DOCK4: variants seen among roughly 807,000 people sequenced by gnomAD.
The protein encoded by DOCK4 is dedicator of cytokinesis protein 4.
Under a neutral mutation model 268.1 loss-of-function variants are expected in DOCK4, and 97 were observed. That is an observed-to-expected ratio of 0.36 (90% confidence interval 0.31 to 0.43). The LOEUF is 0.43. DOCK4 is among the 20% of genes least tolerant of loss of function. DOCK4 has a pLI of 1.00. For missense variants in DOCK4, 2,145 were observed against 2,455.7 expected, an observed-to-expected ratio of 0.87 and a Z score of 2.67; for synonymous variants, 954 against 887.2, an observed-to-expected ratio of 1.08 and a Z score of -1.34.
chr7:111,926,057 T>G (rs1231723735), intron 12 of DOCK4, among the ~76,000 whole-genome samples: 3 of 136,178 alleles, frequency 2.2e-5, no homozygotes, highest in Non-Finnish European at 3.1e-5. Context: ...ATCGTGCCAC[T>G]GCACTCCAGC....
chr7:111,876,637 A>G (rs1424146762), intron 17 of DOCK4, among the ~76,000 whole-genome samples: 1 of 152,146 alleles, frequency 6.6e-6, no homozygotes. Flanking sequence ...TAATGCTAGA[A>G]CTGAAAAGCA....
intron 39 of DOCK4, among the ~76,000 whole-genome samples, chr7:111,764,371 T>C (rs1797642819): frequency 6.6e-6 from 1 of 152,230 alleles, no homozygotes; most frequent in South Asian, 2.1e-4. Flanking sequence ...AATATTTCTG[T>C]ATTGAGAACT....
chr7:111,772,184 C>G (rs1174329564), intron 36 of DOCK4, among the ~76,000 whole-genome samples: 1 of 152,116 alleles, frequency 6.6e-6, no homozygotes, highest in Non-Finnish European at 1.5e-5. Context: ...CTCAGGTACT[C>G]AGGAGGCTGA....
chr7:111,775,522 A>G (rs1359618079), intron 36 of DOCK4, among the ~76,000 whole-genome samples: 1 of 152,226 alleles, frequency 6.6e-6, no homozygotes, highest in Non-Finnish European at 1.5e-5. Context: ...ACGAATACTC[A>G]AAGAATGACC....
At chr7:112,155,894 T>C (rs2214432) in intron 1 of DOCK4, among the ~76,000 whole-genome samples, 104,794 of 152,116 alleles carry the variant, frequency 0.69, 36,393 homozygotes, top group East Asian at 0.85. Flanking sequence ...CTGAACAGTA[T>C]ATAGTGCAAT....
At chr7:111,730,377 G>A (rs920079287) in intron 52 of DOCK4, among the ~76,000 whole-genome samples, 4 of 152,096 alleles carry the variant, frequency 2.6e-5, no homozygotes, top group African/African-American at 9.7e-5. Flanking sequence ...ATAATGTCCT[G>A]GAAAACTAGT....
intron 28 of DOCK4, among the ~76,000 whole-genome samples, chr7:111,810,204 A>T (rs1346657100): frequency 6.6e-6 from 1 of 152,226 alleles, no homozygotes; most frequent in African/African-American, 2.4e-5. Flanking sequence ...CTGTAATCCC[A>T]GCACTTTGGG....
chr7:111,800,739 G>T (rs139702704), intron 30 of DOCK4, among the ~76,000 whole-genome samples: 97 of 152,072 alleles, frequency 6.4e-4, no homozygotes, highest in African/African-American at 2.1e-3. Flanking sequence ...ACACAGACAC[G>T]CTATTCTTCC....
intron 1 of DOCK4, among the ~76,000 whole-genome samples, chr7:112,014,784 G>T (rs776555792): frequency 6.6e-6 from 1 of 152,110 alleles, no homozygotes. Context: ...GTGTGCCTGT[G>T]GTCCTGGCTA....
At chr7:111,748,432 G>A (rs1230757562) in intron 42 of DOCK4, among the ~76,000 whole-genome samples, 6 of 151,992 alleles carry the variant, frequency 3.9e-5, no homozygotes, top group Non-Finnish European at 7.4e-5. Flanking sequence ...AAAGGCAAAC[G>A]ACCCAATAAA....
rs776052600 is a variant in DOCK4, at chr7:111,728,534, G to C, written c.5668C>G (p.Pro1890Ala). ...EQSAPLPVPVPVPVPSYGGEE... is the reference protein window; with the variant it reads ...EQSAPLPVPVAVPVPSYGGEE... The stretch of plus-strand genomic sequence containing the variant: ...CCGCCGTAGCTCGGCACGGGCACCG[G>C]CACTGGCACCGGCAGGGGGGCCGAC... The change falls in exon 53 of 53, where the codon CCG becomes GCG. Residue 1890 changes from proline (P) to alanine (A), a missense_variant. By Grantham distance (27) the Pro-to-Ala change is conservative. Transcript: ENST00000428084. 6.2e-7 allele frequency: 1 copy of C among 1,613,726 alleles called. No homozygotes were observed. The highest frequency in any genetic ancestry group is 8.5e-7 in the Non-Finnish European group (1 of 1,179,826).
chr7:112,184,763 A>G (rs947280744), intron 1 of DOCK4, among the ~76,000 whole-genome samples: 1 of 150,010 alleles, frequency 6.7e-6, no homozygotes, highest in African/African-American at 2.5e-5. Context: ...TTTTCTAGCA[A>G]TAACACCTGT....
intron 8 of DOCK4, 98 bp from the exon 9 acceptor site, chr7:111,945,896 T>C (rs1795582336): frequency 1.2e-6 from 1 of 865,426 alleles, no homozygotes; most frequent in Non-Finnish European, 1.8e-6. Context: ...AAGCTAAATA[T>C]TAGGTTGTTC....
chr7:111,784,235 A>C, intron 32 of DOCK4, 112 bp from the exon 33 acceptor site: 8 of 1,246,552 alleles, frequency 6.4e-6, no homozygotes, highest in Non-Finnish European at 6.8e-6. Flanking sequence ...CTCACAGCTC[A>C]AAGACATTTT....
At chr7:112,022,986 G>A (rs549649290) in intron 1 of DOCK4, among the ~76,000 whole-genome samples, 64 of 152,040 alleles carry the variant, frequency 4.2e-4, no homozygotes, top group South Asian at 2.3e-3. Flanking sequence ...GCGTGGTCTC[G>A]GCTCACTGCA....
chr7:112,171,917 T>C (rs1003082114), intron 1 of DOCK4, among the ~76,000 whole-genome samples: 14 of 152,206 alleles, frequency 9.2e-5, no homozygotes, highest in African/African-American at 3.4e-4. Context: ...GGCTTGCAGA[T>C]GGCTGTCCTC....
chr7:112,041,257 A>G (rs941047588), intron 1 of DOCK4, among the ~76,000 whole-genome samples: 1 of 152,216 alleles, frequency 6.6e-6, no homozygotes, highest in Admixed American at 6.5e-5. Flanking sequence ...GTCAGAGTAG[A>G]TAAGAATATG....
At position 112,004,146 on chromosome 7, in the gene DOCK4, A is replaced by G. The variant is rs115950875; in HGVS notation, c.38-15T>C. ...ACTGGCAATAACTGTAAAAAATGAT[A>G]AAGAATATATGAAGACAATCATGTC... On this transcript the variant is annotated splice_polypyrimidine_tract_variant and intron_variant, in intron 1 of 52. Coordinates refer to ENST00000428084, the MANE Select transcript of DOCK4 (RefSeq NM_001363540.2). 3,313 of 1,556,634 alleles carry G rather than the reference A, an allele frequency of 2.1e-3. 61 individuals carry two copies. In the African/African-American group the frequency reaches 0.04, roughly 19 times the overall value.
At chr7:111,761,690 C>T (rs901208785) in intron 39 of DOCK4, among the ~76,000 whole-genome samples, 5 of 152,116 alleles carry the variant, frequency 3.3e-5, no homozygotes, top group African/African-American at 4.8e-5. Flanking sequence ...TCAGTTCTTC[C>T]GCAGGGAAAG....
Sources: allele counts gnomAD v4.1 joint callset (sites outside exome capture counted in the v4.1 genomes callset), GRCh38; gene constraint gnomAD v4.1.1; transcripts MANE v1.5; gene names NCBI Gene and HGNC (gene_info 2026-07-23, HGNC 2026-07-21).